Variants in RBFOX1 observed in about 807,000 individuals in gnomAD.
RBFOX1 encodes RNA binding fox-1 homolog 1, also known as RNA binding protein fox-1 homolog 1.
Under a neutral mutation model 57.7 loss-of-function variants are expected in RBFOX1, and 8 were observed. That is an observed-to-expected ratio of 0.14 (90% CI 0.08 to 0.25). The LOEUF is 0.25. RBFOX1 is among the 10% of genes least tolerant of loss of function. RBFOX1 has a pLI of 1.00. For synonymous variants in RBFOX1, 326 were observed against 222.4 expected (o/e 1.47, Z -4.15); for missense variants, 611 against 548.5 (o/e 1.11, Z -1.14).
At chr16:6,900,734 T>C (rs1048137904) in intron 3 of RBFOX1, among the ~76,000 whole-genome samples, 4 of 152,214 alleles carry the variant, frequency 2.6e-5, no homozygotes, top group Non-Finnish European at 5.9e-5. Context: ...TTCCTATCTT[T>C]CGTCTAAACT....
chr16:6,267,550 G>A (rs1029660370), intron 1 of RBFOX1, among the ~76,000 whole-genome samples: 23 of 152,192 alleles, frequency 1.5e-4, no homozygotes, highest in African/African-American at 5.1e-4. Context: ...CTTTAGCAGA[G>A]AAGCTAGAGT....
intron 3 of RBFOX1, among the ~76,000 whole-genome samples, chr16:6,762,764 G>A (rs996833381): frequency 6.6e-6 from 1 of 151,194 alleles, no homozygotes; most frequent in Admixed American, 6.6e-5. Context: ...TACCCCAAGG[G>A]GATAGGGGGT....
rs189717557 is a variant in RBFOX1, at chr16:7,220,376, C to T, written c.27+168278C>T. 1.2e-4 allele frequency among the ~76,000 whole-genome samples: 19 copies of T among 152,280 alleles called. No homozygotes were observed. The East Asian group carries it at 3.7e-3, about 29-fold the overall frequency. On this transcript the variant is annotated intron_variant, in intron 4 of 15. Coordinates refer to ENST00000550418, the MANE Select transcript of RBFOX1 (RefSeq NM_018723.4). The stretch of plus-strand genomic sequence containing the variant: ...CATGGCCCCAAGTATAGGACAACTA[C>T]TTAATCTGTTGTTGCTCAAAGAAGG...
At chr16:6,402,320 A>T (rs2093106060) in intron 2 of RBFOX1, among the ~76,000 whole-genome samples, 1 of 152,140 alleles carries the variant, frequency 6.6e-6, no homozygotes, top group Admixed American at 6.5e-5. Flanking sequence ...AGAGAACTGA[A>T]ATCTCACCCT....
chr16:6,847,716 C>A (rs2093833418), intron 3 of RBFOX1, among the ~76,000 whole-genome samples: 1 of 151,968 alleles, frequency 6.6e-6, no homozygotes, highest in Non-Finnish European at 1.5e-5. Flanking sequence ...ATTAGAGCAC[C>A]CATCAACCTG....
At chr16:6,676,397 G>A (rs2057694910) in intron 3 of RBFOX1, among the ~76,000 whole-genome samples, 1 of 152,054 alleles carries the variant, frequency 6.6e-6, no homozygotes, top group Admixed American at 6.6e-5. Flanking sequence ...TTGGGTCCTA[G>A]CCCAAGGTCA....
intron 2 of RBFOX1, among the ~76,000 whole-genome samples, chr16:6,606,547 T>G (rs1462157391): frequency 6.6e-6 from 1 of 152,152 alleles, no homozygotes; most frequent in African/African-American, 2.4e-5. Flanking sequence ...CCCCATTGTG[T>G]GTAGTTCCCC....
intron 3 of RBFOX1, among the ~76,000 whole-genome samples, chr16:7,011,924 C>T (rs970748930): frequency 3.9e-5 from 6 of 152,212 alleles, no homozygotes; most frequent in Admixed American, 2.6e-4. Flanking sequence ...CCATCTTCTG[C>T]ACATTTCTCT....
At chr16:7,699,813 C>T (rs1056315406) in intron 14 of RBFOX1, among the ~76,000 whole-genome samples, 1 of 151,618 alleles carries the variant, frequency 6.6e-6, no homozygotes, top group Non-Finnish European at 1.5e-5. Flanking sequence ...TATTATGTTT[C>T]TCTCAATCCC....
At chr16:5,700,562 G>A (rs2051011763) in intron 3 of RBFOX1, among the ~76,000 whole-genome samples, 1 of 152,196 alleles carries the variant, frequency 6.6e-6, no homozygotes, top group Non-Finnish European at 1.5e-5. Context: ...TTTCACTGTG[G>A]TGTATCTAGG....
intron 6 of RBFOX1, 38 bp downstream of exon 6, chr16:7,579,958 G>T (rs1449194349): frequency 6.2e-7 from 1 of 1,607,502 alleles, no homozygotes; most frequent in Non-Finnish European, 8.5e-7. Context: ...GCCCGCTCTG[G>T]GGGTTCCAGA....
At chr16:6,845,105 G>A (rs1416023925) in intron 3 of RBFOX1, among the ~76,000 whole-genome samples, 2 of 151,792 alleles carry the variant, frequency 1.3e-5, no homozygotes, top group East Asian at 1.9e-4. Context: ...GATAGATTGC[G>A]AACATTGTCT....
intron 4 of RBFOX1, among the ~76,000 whole-genome samples, chr16:7,306,723 G>A (rs1044969659): frequency 3.3e-5 from 5 of 152,158 alleles, no homozygotes; most frequent in African/African-American, 1.2e-4. Context: ...TAGGGTGTAA[G>A]TGATATACCT....
intron 3 of RBFOX1, among the ~76,000 whole-genome samples, chr16:6,900,171 C>T (rs547717295): frequency 1.3e-5 from 2 of 152,098 alleles, no homozygotes; most frequent in African/African-American, 4.8e-5. Flanking sequence ...TGTTCATGTT[C>T]TTATGCTGAG....
At chr16:6,063,659 G>T (rs1315674057) in intron 1 of RBFOX1, among the ~76,000 whole-genome samples, 1 of 152,026 alleles carries the variant, frequency 6.6e-6, no homozygotes, top group Non-Finnish European at 1.5e-5. Flanking sequence ...TTATTTTCAG[G>T]CGGTTGTATT....
chr16:7,288,295 C>A lies in RBFOX1; in HGVS notation c.28-229852C>A, dbSNP rs1428687166. ...ACTTTCAGACATTCTACTTGGAAAT[C>A]CATTTAAGGAATGCATCATACAATA... On this transcript the variant is annotated intron_variant, in intron 4 of 15. Transcript: ENST00000550418. Among the ~76,000 whole-genome samples, 18 of 152,150 alleles carry A rather than the reference C, an allele frequency of 1.2e-4. No homozygotes were observed. The East Asian group carries it at 3.3e-3, about 28-fold the overall frequency.
intron 11 of RBFOX1, among the ~76,000 whole-genome samples, chr16:7,639,257 A>G (rs1489246093): frequency 2.0e-5 from 3 of 151,962 alleles, no homozygotes; most frequent in African/African-American, 7.3e-5. Context: ...AACTGTTTCC[A>G]TTTCTATCCC....
intron 1 of RBFOX1, among the ~76,000 whole-genome samples, chr16:5,351,343 A>G (rs1048448483): frequency 3.9e-5 from 6 of 152,224 alleles, no homozygotes; most frequent in African/African-American, 1.4e-4. Flanking sequence ...AGGTAGATAC[A>G]TTCACTGTAC....
intron 4 of RBFOX1, among the ~76,000 whole-genome samples, chr16:7,289,128 A>G (rs1454245068): frequency 1.3e-5 from 2 of 152,168 alleles, no homozygotes; most frequent in African/African-American, 4.8e-5. Flanking sequence ...GAGCCTCCTT[A>G]GAGATGTCTG....
Sources: gnomAD v4.1 joint callset for allele counts (sites outside exome capture counted in the v4.1 genomes callset) on GRCh38, gnomAD v4.1.1 for gene constraint, MANE v1.5 for transcripts, NCBI Gene and HGNC (gene_info 2026-07-23, HGNC 2026-07-21) for gene names.